Variants in PCDH15 observed in about 807,000 individuals in gnomAD.
The protein encoded by PCDH15 is protocadherin related 15.
In PCDH15, 129 loss-of-function variants were observed where a neutral mutation model predicts 178.5. The observed-to-expected ratio is 0.72, with a 90% CI of 0.63 to 0.84. The LOEUF (loss-of-function observed/expected upper bound fraction) is 0.84, where lower values mean the gene tolerates loss of function less well. PCDH15 is among the 40% of genes least tolerant of loss of function. PCDH15 has a pLI of 0.00. For missense variants in PCDH15, 2,230 were observed against 2,099.9 expected, an observed-to-expected ratio of 1.06 and a Z score of -1.21; for synonymous variants, 800 against 732.0, an observed-to-expected ratio of 1.09 and a Z score of -1.50.
chr10:55,582,718 G>A (rs190464876), intron 2 of PCDH15, among the ~76,000 whole-genome samples: 5 of 146,454 alleles, frequency 3.4e-5, no homozygotes, highest in African/African-American at 1.0e-4. Context: ...TCTTAAATCT[G>A]TAATCATTTG....
At chr10:54,865,941 T>C (rs943298694) in intron 3 of PCDH15, among the ~76,000 whole-genome samples, 1 of 152,172 alleles carries the variant, frequency 6.6e-6, no homozygotes, top group Non-Finnish European at 1.5e-5. Flanking sequence ...CAATAATATA[T>C]ATCTCTAATG....
chr10:54,490,264 CACGGT>C (rs2079458908), intron 3 of PCDH15, among the ~76,000 whole-genome samples: 1 of 151,964 alleles, frequency 6.6e-6, no homozygotes, highest in Non-Finnish European at 1.5e-5. Flanking sequence ...TCCTGGCTAA[CACGGT>C]GAAACTCTGT....
intron 12 of PCDH15, among the ~76,000 whole-genome samples, chr10:54,184,460 A>ATG (rs907974035): frequency 1.3e-5 from 2 of 151,788 alleles, no homozygotes; most frequent in Non-Finnish European, 2.9e-5. Context: ...GTGTATGTTT[A>ATG]TGTGTGTGTG....
rs72794925 is a variant in PCDH15, at chr10:53,926,778, C to G, written c.3373+12037G>C. Among the ~76,000 whole-genome samples the G allele has an allele frequency of 3.7e-3, 558 of 152,278 alleles. 3 individuals are homozygous for G. The highest frequency in any genetic ancestry group is 6.8e-3 in the Middle Eastern group (2 of 294). ...TCGAGGTTTTTCACTGACAAAGCTACTCTAATTTCAAATCATGCATGTCTA... is the reference window on the plus strand; with the variant it reads ...TCGAGGTTTTTCACTGACAAAGCTAGTCTAATTTCAAATCATGCATGTCTA... On this transcript the variant is annotated intron_variant, in intron 25 of 37. Coordinates refer to ENST00000644397, the MANE Select transcript of PCDH15 (RefSeq NM_001384140.1).
chr10:54,419,103 T>C (rs1226793459), intron 3 of PCDH15, among the ~76,000 whole-genome samples: 1 of 151,366 alleles, frequency 6.6e-6, no homozygotes. Context: ...AGGGAATATA[T>C]GGGAGAAGCG....
intron 3 of PCDH15, among the ~76,000 whole-genome samples, chr10:54,450,034 A>T (rs2076370693): frequency 6.6e-6 from 1 of 151,450 alleles, no homozygotes; most frequent in Admixed American, 6.6e-5. Context: ...GCAAATAGCG[A>T]GATGTGGTGA....
rs573781899 is a variant in PCDH15 at position 55,418,262 on chromosome 10, T to C, written c.-156+209363A>G. Among the ~76,000 whole-genome samples, 21 of 151,880 alleles carry C rather than the reference T, an allele frequency of 1.4e-4. 3 individuals are homozygous for C. In the South Asian group the frequency reaches 4.4e-3, roughly 31 times the overall value. ...TCTTGTTTTTATTTTTAGTGCAGAA[T>C]GTAACTGTTAACAACATTAGAAATA... On this transcript the variant is annotated intron_variant, in intron 2 of 5. Transcript: ENST00000613346.
chr10:55,359,747 T>TATATATATATATATACACAC (rs1491280747), intron 2 of PCDH15, among the ~76,000 whole-genome samples: 6 of 81,658 alleles, frequency 7.3e-5, no homozygotes, highest in African/African-American at 2.1e-4. Context: ...TATATATATA[T>TATATATATATATATACACAC]ACACACACAC....
chr10:55,130,849 A>G (rs1838023208), intron 2 of PCDH15, among the ~76,000 whole-genome samples: 1 of 152,018 alleles, frequency 6.6e-6, no homozygotes, highest in African/African-American at 2.4e-5. Context: ...AAAGTTCAAA[A>G]TTTGACTTAT....
chr10:55,486,721 C>T, intron 2 of PCDH15, among the ~76,000 whole-genome samples: 1 of 151,360 alleles, frequency 6.6e-6, no homozygotes. Context: ...TGATCAGGCT[C>T]ATCTCAAACT....
intron 18 of PCDH15, among the ~76,000 whole-genome samples, chr10:54,065,954 C>T (rs986479313): frequency 3.3e-5 from 5 of 152,148 alleles, no homozygotes; most frequent in African/African-American, 9.7e-5. Flanking sequence ...AGCACGCCTT[C>T]TGTGGAAAAG....
intron 2 of PCDH15, among the ~76,000 whole-genome samples, chr10:55,454,541 G>A (rs1393244145): frequency 2.6e-5 from 4 of 151,582 alleles, no homozygotes; most frequent in African/African-American, 9.7e-5. Context: ...ACTTTGGGAG[G>A]CTGAGGTGGG....
intron 1 of PCDH15, among the ~76,000 whole-genome samples, chr10:54,779,416 ATAT>A (rs1352019456): frequency 7.7e-6 from 1 of 129,874 alleles, no homozygotes; most frequent in Non-Finnish European, 1.6e-5. Context: ...GTATATATAT[ATAT>A]ATACACACAC....
chr10:54,739,521 A>G (rs1018188083), intron 1 of PCDH15, among the ~76,000 whole-genome samples: 1 of 151,662 alleles, frequency 6.6e-6, no homozygotes, highest in Non-Finnish European at 1.5e-5. Context: ...CAGATTCAAT[A>G]CTATCCCTAT....
intron 2 of PCDH15, among the ~76,000 whole-genome samples, chr10:55,131,084 T>C (rs1226419819): frequency 6.6e-6 from 1 of 152,158 alleles, no homozygotes; most frequent in Non-Finnish European, 1.5e-5. Context: ...TCAGTCTCAG[T>C]ATTTGTACAT....
chr10:54,131,667 G>A (rs1203416308), intron 15 of PCDH15, among the ~76,000 whole-genome samples: 1 of 152,088 alleles, frequency 6.6e-6, no homozygotes. Flanking sequence ...TTAGAGTAGA[G>A]ACACAAAGTA....
intron 6 of PCDH15, among the ~76,000 whole-genome samples, chr10:54,331,981 A>G (rs1469056235): frequency 6.6e-6 from 1 of 151,654 alleles, no homozygotes; most frequent in Non-Finnish European, 1.5e-5. Context: ...ATCCCTTTTC[A>G]GGTTATAGAA....
At chr10:55,470,523 T>C (rs1839933851) in intron 2 of PCDH15, among the ~76,000 whole-genome samples, 1 of 152,160 alleles carries the variant, frequency 6.6e-6, no homozygotes, top group African/African-American at 2.4e-5. Context: ...TTTTTTAAAA[T>C]TGCCTTTAGT....
intron 2 of PCDH15, among the ~76,000 whole-genome samples, chr10:54,641,551 TA>T (rs1268203927): frequency 2.0e-5 from 3 of 151,512 alleles, no homozygotes; most frequent in Non-Finnish European, 1.5e-5. Context: ...CCATTTGCAA[TA>T]AATCATACAC....
Sources: gnomAD v4.1 joint callset for allele counts (sites outside exome capture counted in the v4.1 genomes callset) on GRCh38, gnomAD v4.1.1 for gene constraint, MANE v1.5 for transcripts, NCBI Gene and HGNC (gene_info 2026-07-23, HGNC 2026-07-21) for gene names.